Variants in SCUBE1 observed in about 807,000 individuals in gnomAD.
SCUBE1 encodes signal peptide, CUB and EGF-like domain-containing protein 1.
Under a neutral mutation model 124.4 loss-of-function variants are expected in SCUBE1, and 59 were observed. That is an observed-to-expected ratio of 0.47 (90% confidence interval 0.38 to 0.59). The LOEUF (loss-of-function observed/expected upper bound fraction) is 0.59, where lower values mean the gene tolerates loss of function less well. Among genes scored for constraint, SCUBE1 ranks in the 20% least tolerant of loss-of-function variants. SCUBE1 has a pLI of 0.00. For synonymous variants in SCUBE1, 545 were observed against 550.9 expected (o/e 0.99, Z 0.15); for missense variants, 1,150 against 1,371.2 (o/e 0.84, Z 2.55).
At chr22:43,226,016 C>T (rs572574680) in intron 10 of SCUBE1, among the ~76,000 whole-genome samples, 1 of 152,362 alleles carries the variant, frequency 6.6e-6, no homozygotes, top group East Asian at 1.9e-4. Flanking sequence ...AGTCCTTCCA[C>T]AAGTACGTGA....
chr22:43,329,563 G>A (rs941604375), intron 2 of SCUBE1, among the ~76,000 whole-genome samples: 1 of 152,266 alleles, frequency 6.6e-6, no homozygotes, highest in Admixed American at 6.5e-5. Flanking sequence ...GAAGACATGG[G>A]GGTTCCTGGA....
chr22:43,211,930 C>T lies in SCUBE1; in HGVS notation c.2221+495G>A, dbSNP rs1464205808. 1.3e-5 allele frequency among the ~76,000 whole-genome samples: 2 copies of T among 152,144 alleles called. No individual in the cohort carries two copies. The highest frequency in any genetic ancestry group is 2.9e-5 in the Non-Finnish European group (2 of 68,024). ...GAGCCAGGCCACCTGGACAGACAGA[C>T]AGACACTGAGAGGGAGCACGGTGGG... On this transcript the variant is annotated intron_variant, in intron 17 of 21. Coordinates refer to ENST00000360835, the MANE Select transcript of SCUBE1 (RefSeq NM_173050.5). This position sits in a 1 kb window ranked among gnomAD's most constrained non-coding sequence, Gnocchi z 4.5.
chr22:43,274,566 C>T (rs756900139), intron 4 of SCUBE1, among the ~76,000 whole-genome samples: 19 of 152,136 alleles, frequency 1.2e-4, no homozygotes, highest in South Asian at 8.3e-4. Context: ...CAGCAGGTGA[C>T]GAGATGGAGG....
intron 6 of SCUBE1, among the ~76,000 whole-genome samples, chr22:43,240,371 G>A (rs1169773814): frequency 6.6e-6 from 1 of 152,174 alleles, no homozygotes; most frequent in Non-Finnish European, 1.5e-5. Flanking sequence ...CCAGGGCTTG[G>A]ACGCCTCCCT....
At chr22:43,267,909 G>T (rs1310472742) in intron 4 of SCUBE1, among the ~76,000 whole-genome samples, 1 of 152,216 alleles carries the variant, frequency 6.6e-6, no homozygotes, top group South Asian at 2.1e-4. Flanking sequence ...GATTTGAAGG[G>T]GAAAAGGTGA....
At chr22:43,339,823 TC>T (rs1271301273) in intron 1 of SCUBE1, among the ~76,000 whole-genome samples, 1 of 23,480 alleles carries the variant, frequency 4.3e-5, no homozygotes, top group Non-Finnish European at 8.6e-5. Context: ...CCTCATTCTA[TC>T]CCCCCACAAG....
chr22:43,218,532 C>A, intron 14 of SCUBE1, 74 bp from the exon 15 acceptor site: 1 of 1,529,324 alleles, frequency 6.5e-7, no homozygotes, highest in Non-Finnish European at 8.9e-7. Context: ...CTGAGGGCTC[C>A]CCCGTGCCAG....
chr22:43,263,997 C>A (rs188560372), intron 4 of SCUBE1, among the ~76,000 whole-genome samples: 1 of 152,174 alleles, frequency 6.6e-6, no homozygotes, highest in Admixed American at 6.5e-5. Flanking sequence ...TAGTGGCGTG[C>A]GGTCAACGCT....
At position 43,211,033 on chromosome 22, in the gene SCUBE1, G is replaced by A. The variant is rs776860610; in HGVS notation, c.2272C>T (p.Arg758Cys). Residue 758 changes from arginine to cysteine, a missense_variant, in exon 18 of 22, where the codon CGC (arginine) becomes TGC (cysteine). Coordinates refer to ENST00000360835, the MANE Select transcript of SCUBE1 (RefSeq NM_173050.5). This position sits in a 1 kb window ranked among gnomAD's most constrained non-coding sequence, Gnocchi z 4.5. Reference sequence around the variant, plus strand: ...GGCTGGTAGGTGCCGACGGGGCAGCGGATGCAGCGGTGGGTGGTGGTGTTG... The same window carrying A: ...GGCTGGTAGGTGCCGACGGGGCAGCAGATGCAGCGGTGGGTGGTGGTGTTG... Reference protein sequence around the residue: ...HYNTTTHRCIRCPVGTYQPEF... With the variant: ...HYNTTTHRCICCPVGTYQPEF... 39 of 1,613,916 alleles carry A rather than the reference G, an allele frequency of 2.4e-5. No homozygotes were observed. Among genetic ancestry groups the A allele is most frequent in the Non-Finnish European group, 3.1e-5 (36 of 1,179,998 alleles).
chr22:43,259,602 G>C (rs529587063), intron 5 of SCUBE1, among the ~76,000 whole-genome samples: 2 of 152,274 alleles, frequency 1.3e-5, no homozygotes, highest in South Asian at 4.1e-4. Context: ...GAGCCTTCCT[G>C]CCCACCTGTC....
intron 4 of SCUBE1, among the ~76,000 whole-genome samples, chr22:43,267,593 G>T (rs1924123194): frequency 6.6e-6 from 1 of 152,190 alleles, no homozygotes; most frequent in South Asian, 2.1e-4. Flanking sequence ...GACAGGAAGA[G>T]ACCCCAGCAC....
chr22:43,268,647 G>A (rs532466092), intron 4 of SCUBE1, among the ~76,000 whole-genome samples: 4 of 152,356 alleles, frequency 2.6e-5, no homozygotes, highest in Admixed American at 1.3e-4. Flanking sequence ...CCTGAACCTC[G>A]GTTTCCACCT....
intron 3 of SCUBE1, among the ~76,000 whole-genome samples, chr22:43,317,443 G>A (rs1926390637): frequency 6.6e-6 from 1 of 152,072 alleles, no homozygotes; most frequent in Non-Finnish European, 1.5e-5. Context: ...CCTTTTTCTC[G>A]GCCATCTGGA....
At chr22:43,342,369 CCT>C (rs1372160821) in intron 1 of SCUBE1, among the ~76,000 whole-genome samples, 2 of 152,084 alleles carry the variant, frequency 1.3e-5, no homozygotes, top group East Asian at 3.9e-4. Flanking sequence ...GACTCTCCTC[CCT>C]GTGTCTGTCC....
intron 6 of SCUBE1, among the ~76,000 whole-genome samples, chr22:43,253,182 G>C (rs997066391): frequency 3.3e-5 from 5 of 152,112 alleles, no homozygotes; most frequent in African/African-American, 9.7e-5. Context: ...AATACAACGT[G>C]GGGGGCACCA....
intron 7 of SCUBE1, among the ~76,000 whole-genome samples, chr22:43,237,362 C>T (rs1922811446): frequency 6.6e-6 from 1 of 152,242 alleles, no homozygotes; most frequent in African/African-American, 2.4e-5. Flanking sequence ...CAGCCTTGCC[C>T]AAGGAATTAA....
intron 4 of SCUBE1, among the ~76,000 whole-genome samples, chr22:43,287,351 G>A (rs989237212): frequency 1.4e-4 from 22 of 152,340 alleles, no homozygotes; most frequent in African/African-American, 5.3e-4. Context: ...GCAGTTTTCC[G>A]CGAATGGGGA....
intron 16 of SCUBE1, chr22:43,213,775 GA>G (rs1921675684): frequency 4.3e-6 from 1 of 232,042 alleles, no homozygotes; most frequent in African/African-American, 2.3e-5. Flanking sequence ...ACCTCCCTTA[GA>G]AACCGTAAGT....
intron 17 of SCUBE1, among the ~76,000 whole-genome samples, chr22:43,212,128 A>C (rs1341398729): frequency 8.1e-6 from 1 of 123,866 alleles, no homozygotes. Context: ...CCCCCTCCTC[A>C]CCCTCCCAAC....
Sources: allele counts gnomAD v4.1 joint callset (sites outside exome capture counted in the v4.1 genomes callset), GRCh38; gene constraint gnomAD v4.1.1; non-coding constraint Gnocchi (gnomAD v3.1); transcripts MANE v1.5; gene names NCBI Gene and HGNC (gene_info 2026-07-23, HGNC 2026-07-21).